The following XNDC1N variants were observed in gnomAD, a reference collection of about 807,000 sequenced individuals.
XNDC1N encodes XRCC1 N-terminal domain containing 1, N-terminal like.
At chr11:71,878,401 T>G in the XNDC1N span, 1 of 1,600,198 alleles carries the variant, frequency 6.2e-7, no homozygotes. Flanking sequence ...TACACAGAAG[T>G]CCTCTTCATC....
chr11:71,905,203 C>A, the XNDC1N span, among the ~76,000 whole-genome samples: 1 of 151,416 alleles, frequency 6.6e-6, no homozygotes, highest in Admixed American at 6.6e-5. Flanking sequence ...TCCCTAGGAT[C>A]TTACGAATAT....
At chr11:71,898,131 C>A in the XNDC1N span, among the ~76,000 whole-genome samples, 1 of 151,792 alleles carries the variant, frequency 6.6e-6, no homozygotes, top group East Asian at 1.9e-4. Context: ...TTGGAGTGAG[C>A]CCCGATTGTG....
At chr11:71,917,092 T>G in the XNDC1N span, 1 of 266,572 alleles carries the variant, frequency 3.8e-6, no homozygotes, top group African/African-American at 2.3e-5. Context: ...TGGCTCATTG[T>G]AACCTCTGCC....
chr11:71,919,417 C>A, the XNDC1N span, among the ~76,000 whole-genome samples: 2 of 142,554 alleles, frequency 1.4e-5, no homozygotes, highest in Middle Eastern at 3.6e-3. Flanking sequence ...GAGACAGAGT[C>A]TTGCTCTGTC....
the XNDC1N span, among the ~76,000 whole-genome samples, chr11:71,921,221 C>T: frequency 6.6e-6 from 1 of 152,090 alleles, no homozygotes; most frequent in East Asian, 1.9e-4. Flanking sequence ...GTCGCATAAT[C>T]ACAGCTCACT....
chr11:71,916,159 G>A, the XNDC1N span: 1 of 702,968 alleles, frequency 1.4e-6, no homozygotes, highest in Admixed American at 2.0e-5. Flanking sequence ...CCGTAGAAAG[G>A]CCAGGCCAAA....
chr11:71,874,570 C>T, the XNDC1N span, among the ~76,000 whole-genome samples: 6 of 152,072 alleles, frequency 3.9e-5, no homozygotes, highest in East Asian at 1.2e-3. Context: ...GCTTATTAGA[C>T]ATCCAAAAGT....
chr11:71,884,149 T>C, the XNDC1N span, among the ~76,000 whole-genome samples: 1 of 152,238 alleles, frequency 6.6e-6, no homozygotes, highest in Non-Finnish European at 1.5e-5. Flanking sequence ...TCATTTTAGG[T>C]AGAAATATGT....
the XNDC1N span, among the ~76,000 whole-genome samples, chr11:71,866,548 G>T: frequency 6.6e-6 from 1 of 152,136 alleles, no homozygotes; most frequent in African/African-American, 2.4e-5. Flanking sequence ...TTGGGAGGCC[G>T]AGGTCAGGAG....
chr11:71,899,799 C>A, the XNDC1N span, among the ~76,000 whole-genome samples: 1 of 152,178 alleles, frequency 6.6e-6, no homozygotes, highest in Non-Finnish European at 1.5e-5. Flanking sequence ...AGCCCGACAC[C>A]CGTAAAGGGT....
chr11:71,879,407 A>G, the XNDC1N span, among the ~76,000 whole-genome samples: 1 of 152,238 alleles, frequency 6.6e-6, no homozygotes, highest in Non-Finnish European at 1.5e-5. Flanking sequence ...TCAATACCCC[A>G]TAATAAAAAC....
the XNDC1N span, chr11:71,865,752 CA>C: frequency 7.5e-6 from 3 of 397,782 alleles, no homozygotes; most frequent in East Asian, 2.3e-4. Context: ...CCAGCACTGT[CA>C]ACATTTTGAG....
the XNDC1N span, among the ~76,000 whole-genome samples, chr11:71,912,424 G>C: frequency 6.6e-6 from 1 of 152,094 alleles, no homozygotes; most frequent in Non-Finnish European, 1.5e-5. Flanking sequence ...TCCCCACCTG[G>C]ATACTGGGAA....
At chr11:71,910,161 C>G in the XNDC1N span, among the ~76,000 whole-genome samples, 1 of 152,180 alleles carries the variant, frequency 6.6e-6, no homozygotes, top group Non-Finnish European at 1.5e-5. Context: ...ATGGAACACT[C>G]CCCTCCTGCC....
the XNDC1N span, chr11:71,923,202 GTCTCT>G: frequency 1.5e-6 from 1 of 687,696 alleles, no homozygotes. Context: ...AACTCACAAT[GTCTCT>G]TCTATTAGAT....
the XNDC1N span, among the ~76,000 whole-genome samples, chr11:71,919,927 CTCTTTTTTTTTTTTTTTTT>C: frequency 5.9e-5 from 4 of 67,260 alleles, no homozygotes; most frequent in African/African-American, 2.0e-4. Flanking sequence ...AAAAGCAGGC[CTCTTTTTTTTTTTTTTTTT>C]TTTTTTTTTT....
the XNDC1N span, among the ~76,000 whole-genome samples, chr11:71,905,492 T>C: frequency 4.0e-5 from 6 of 151,858 alleles, no homozygotes; most frequent in East Asian, 3.9e-4. Context: ...CTCCCTAGGA[T>C]ATTTCGAATG....
chr11:71,900,322 A>C, the XNDC1N span, among the ~76,000 whole-genome samples: 19 of 152,198 alleles, frequency 1.2e-4, no homozygotes, highest in Admixed American at 1.2e-3. Flanking sequence ...TTCTTTCCTC[A>C]GTCTCTCATC....
the XNDC1N span, among the ~76,000 whole-genome samples, chr11:71,886,200 G>A: frequency 3.3e-5 from 5 of 151,974 alleles, no homozygotes; most frequent in South Asian, 2.1e-4. Context: ...ACAATACACC[G>A]TCCTATACCG....
Sources: gnomAD v4.1 joint callset for allele counts (sites outside exome capture counted in the v4.1 genomes callset) on GRCh38, gnomAD v4.1.1 for gene constraint, MANE v1.5 for transcripts, NCBI Gene and HGNC (gene_info 2026-07-23, HGNC 2026-07-21) for gene names.